Variants in XNDC1N observed in about 807,000 individuals in gnomAD.
XNDC1N encodes XRCC1 N-terminal domain containing 1, N-terminal like.
At chr11:71,885,981 T>C in the XNDC1N span, among the ~76,000 whole-genome samples, 3 of 151,838 alleles carry the variant, frequency 2.0e-5, no homozygotes, top group Non-Finnish European at 2.9e-5. Flanking sequence ...TAATTATTAG[T>C]GTCAATTAAT....
the XNDC1N span, among the ~76,000 whole-genome samples, chr11:71,891,719 CA>C: frequency 1.7e-4 from 25 of 151,356 alleles, no homozygotes; most frequent in African/African-American, 6.1e-4. Flanking sequence ...ACATTGGGCA[CA>C]AAAACAAAAA....
At chr11:71,906,302 C>A in the XNDC1N span, among the ~76,000 whole-genome samples, 1 of 151,808 alleles carries the variant, frequency 6.6e-6, no homozygotes, top group African/African-American at 2.4e-5. Context: ...AATACTATCA[C>A]AGGGTGTACA....
chr11:71,912,847 T>C, the XNDC1N span, among the ~76,000 whole-genome samples: 1 of 152,154 alleles, frequency 6.6e-6, no homozygotes, highest in South Asian at 2.1e-4. Flanking sequence ...CCTGCGATAT[T>C]GAGAGTAGTA....
chr11:71,870,680 C>G, the XNDC1N span, among the ~76,000 whole-genome samples: 81 of 152,198 alleles, frequency 5.3e-4, 1 homozygote, highest in East Asian at 3.7e-3. Context: ...TCAAACAACT[C>G]TACAGAAAGA....
At chr11:71,878,091 A>G in the XNDC1N span, among the ~76,000 whole-genome samples, 1 of 152,232 alleles carries the variant, frequency 6.6e-6, no homozygotes, top group Non-Finnish European at 1.5e-5. Flanking sequence ...TCTTCCCATT[A>G]TCAGAAAAAT....
the XNDC1N span, among the ~76,000 whole-genome samples, chr11:71,871,616 C>T: frequency 4.6e-5 from 7 of 152,246 alleles, no homozygotes; most frequent in Admixed American, 4.6e-4. Flanking sequence ...TAAATCATAA[C>T]ATCACTTTGT....
the XNDC1N span, among the ~76,000 whole-genome samples, chr11:71,906,313 C>A: frequency 3.3e-5 from 5 of 151,926 alleles, no homozygotes; most frequent in East Asian, 1.9e-4. Flanking sequence ...AGGGTGTACA[C>A]CCCTGTGACA....
At chr11:71,873,957 C>G in the XNDC1N span, among the ~76,000 whole-genome samples, 789 of 152,274 alleles carry the variant, frequency 5.2e-3, 20 homozygotes, top group Admixed American at 0.029. Flanking sequence ...GGGGCTCTCT[C>G]CAGAGACACT....
At chr11:71,907,412 C>T in the XNDC1N span, among the ~76,000 whole-genome samples, 2 of 150,854 alleles carry the variant, frequency 1.3e-5, no homozygotes, top group African/African-American at 4.9e-5. Flanking sequence ...CTTAAGACCC[C>T]CATCGCAGGG....
At chr11:71,904,830 C>T in the XNDC1N span, among the ~76,000 whole-genome samples, 2 of 151,928 alleles carry the variant, frequency 1.3e-5, no homozygotes, top group African/African-American at 2.4e-5. Flanking sequence ...TTAGGAGGAA[C>T]ATGCCCCTAG....
chr11:71,927,520 C>T, the XNDC1N span: 5 of 144,214 alleles, frequency 3.5e-5, no homozygotes, highest in South Asian at 1.1e-3. Flanking sequence ...GACACCGTTT[C>T]AAAGAAAAAA....
At chr11:71,906,117 A>G in the XNDC1N span, among the ~76,000 whole-genome samples, 11 of 152,154 alleles carry the variant, frequency 7.2e-5, no homozygotes, top group South Asian at 2.3e-3. Context: ...ATAATATCAC[A>G]GAAGGAACAC....
the XNDC1N span, among the ~76,000 whole-genome samples, chr11:71,887,711 C>T: frequency 6.6e-6 from 1 of 152,226 alleles, no homozygotes; most frequent in Non-Finnish European, 1.5e-5. Context: ...CACTCCCCTC[C>T]TGTCTGTTCC....
At chr11:71,921,467 T>C in the XNDC1N span, among the ~76,000 whole-genome samples, 1 of 152,174 alleles carries the variant, frequency 6.6e-6, no homozygotes, top group South Asian at 2.1e-4. Flanking sequence ...TCTGTAGAGA[T>C]GGGATCTTGC....
the XNDC1N span, among the ~76,000 whole-genome samples, chr11:71,878,271 G>A: frequency 6.6e-6 from 1 of 152,194 alleles, no homozygotes; most frequent in African/African-American, 2.4e-5. Flanking sequence ...TTAAATGACT[G>A]ATAGTCATGA....
chr11:71,878,480 G>A, the XNDC1N span: 3 of 1,611,442 alleles, frequency 1.9e-6, no homozygotes, highest in Non-Finnish European at 2.5e-6. Flanking sequence ...TGTCTTTGGA[G>A]TCCTTTCCTT....
chr11:71,873,785 T>C, the XNDC1N span, among the ~76,000 whole-genome samples: 1 of 152,240 alleles, frequency 6.6e-6, no homozygotes, highest in Non-Finnish European at 1.5e-5. Flanking sequence ...TTGTGTGCCA[T>C]GTAAACAGAC....
At chr11:71,886,964 T>A in the XNDC1N span, among the ~76,000 whole-genome samples, 1 of 151,888 alleles carries the variant, frequency 6.6e-6, no homozygotes, top group Admixed American at 6.6e-5. Context: ...TGTAAAGAAA[T>A]AGGACAGTGG....
chr11:71,921,960 G>A, the XNDC1N span, among the ~76,000 whole-genome samples: 6 of 152,096 alleles, frequency 3.9e-5, no homozygotes, highest in African/African-American at 1.4e-4. Context: ...AGGACTTTGA[G>A]ACCAGCCTGG....
Sources: gnomAD v4.1 joint callset for allele counts (sites outside exome capture counted in the v4.1 genomes callset) on GRCh38, gnomAD v4.1.1 for gene constraint, MANE v1.5 for transcripts, NCBI Gene and HGNC (gene_info 2026-07-23, HGNC 2026-07-21) for gene names.